Variants in ZFHX3 observed in about 807,000 individuals in gnomAD.
ZFHX3 encodes the protein zinc finger homeobox 3.
In ZFHX3, 42 loss-of-function variants were observed where a neutral mutation model predicts 279.1. The observed-to-expected ratio is 0.15, with a 90% CI of 0.12 to 0.19. ZFHX3 has a LOEUF of 0.19. ZFHX3 is among the 10% of genes least tolerant of loss of function. ZFHX3 has a pLI of 1.00. For missense variants in ZFHX3, 4,981 were observed against 4,754.0 expected (o/e 1.05, Z -1.40); for synonymous variants, 2,293 against 1,957.8 (o/e 1.17, Z -4.52).
chr16:73,399,098 G>T (rs946583407), intron 3 of ZFHX3, among the ~76,000 whole-genome samples: 2 of 149,026 alleles, frequency 1.3e-5, no homozygotes, highest in South Asian at 4.3e-4. Flanking sequence ...GGCCAGTCTC[G>T]AACTCCTGAC....
rs1454077414 is a variant in ZFHX3 at position 73,149,156 on chromosome 16, T to C, written c.-1103-5325A>G. 2.7e-5 allele frequency among the ~76,000 whole-genome samples: 4 copies of C among 148,254 alleles called. No individual in the cohort carries two copies. The East Asian group carries it at 7.8e-4, about 29-fold the overall frequency. ...AATATTATAGACTATTATCAACAGA[T>C]ATTATACTTTATTAATAAATGCCAA... On this transcript the variant is annotated intron_variant, in intron 5 of 17. Transcript: ENST00000641206.
chr16:73,494,563 C>CTGTT (rs1242203122), intron 2 of ZFHX3, among the ~76,000 whole-genome samples: 5 of 151,858 alleles, frequency 3.3e-5, no homozygotes, highest in Non-Finnish European at 7.4e-5. Context: ...ACTATGGTGT[C>CTGTT]TGTTTGTTTG....
chr16:72,948,141 G>A (rs1007579452), intron 3 of ZFHX3, among the ~76,000 whole-genome samples: 2 of 152,218 alleles, frequency 1.3e-5, no homozygotes, highest in African/African-American at 4.8e-5. Context: ...GCCCCCTGTG[G>A]CGAAGCCCGG....
At chr16:73,666,701 CACCACTACA>C (rs1180297148) in intron 2 of ZFHX3, among the ~76,000 whole-genome samples, 2 of 151,860 alleles carry the variant, frequency 1.3e-5, no homozygotes, top group African/African-American at 2.4e-5. Flanking sequence ...GTCATGCCAC[CACCACTACA>C]ACCGAGATAC....
chr16:72,800,738 CT>C (rs1222770608), intron 7 of ZFHX3, among the ~76,000 whole-genome samples: 1 of 126,298 alleles, frequency 7.9e-6, no homozygotes, highest in Non-Finnish European at 2.0e-5. Flanking sequence ...ACAAACAAGC[CT>C]TTTTTTGTGA....
At chr16:73,468,853 T>C (rs560624952) in intron 2 of ZFHX3, among the ~76,000 whole-genome samples, 1 of 152,334 alleles carries the variant, frequency 6.6e-6, no homozygotes, top group South Asian at 2.1e-4. Flanking sequence ...TTCTACATTA[T>C]CTTCATATAG....
chr16:72,878,375 GC>G (rs1290479391), intron 4 of ZFHX3, among the ~76,000 whole-genome samples: 1 of 152,200 alleles, frequency 6.6e-6, no homozygotes, highest in Non-Finnish European at 1.5e-5. Flanking sequence ...CAGGCTAGAA[GC>G]CACTCCAGTG....
At chr16:72,928,605 T>C (rs561039415) in intron 3 of ZFHX3, among the ~76,000 whole-genome samples, 2 of 152,260 alleles carry the variant, frequency 1.3e-5, no homozygotes, top group South Asian at 4.1e-4. Flanking sequence ...CCTGTTCATA[T>C]AAGATTACCC....
chr16:73,783,270 G>A (rs561190765), intron 1 of ZFHX3, among the ~76,000 whole-genome samples: 2 of 152,176 alleles, frequency 1.3e-5, no homozygotes, highest in Non-Finnish European at 2.9e-5. Flanking sequence ...GGCCAACCCA[G>A]CCTCAGAACT....
intron 3 of ZFHX3, among the ~76,000 whole-genome samples, chr16:73,359,181 GTTTTT>G (rs55639015): frequency 2.1e-5 from 3 of 145,792 alleles, no homozygotes; most frequent in Non-Finnish European, 4.5e-5. Flanking sequence ...TTTAGAAGAG[GTTTTT>G]TTTTTTTTTT....
chr16:72,829,765 C>T lies in ZFHX3; in HGVS notation c.3529+14G>A, dbSNP rs2037020492. 1 of 1,614,038 alleles carries T rather than the reference C, an allele frequency of 6.2e-7. No homozygotes were observed. Among genetic ancestry groups the T allele is most frequent in the Non-Finnish European group, 8.5e-7 (1 of 1,180,014 alleles). ...CACACACACTACCTGTCCACTTGCC[C>T]TGGTCTTTCTCACCTCCGCCCTCTT... On this transcript the variant is annotated intron_variant, in intron 5 of 9. Coordinates refer to ENST00000268489, the MANE Select transcript of ZFHX3 (RefSeq NM_006885.4).
chr16:73,514,089 A>G (rs1264273841), intron 2 of ZFHX3, among the ~76,000 whole-genome samples: 1 of 152,142 alleles, frequency 6.6e-6, no homozygotes, highest in Non-Finnish European at 1.5e-5. Context: ...TCTACTAAAA[A>G]TACAAAAAAT....
intron 1 of ZFHX3, among the ~76,000 whole-genome samples, chr16:73,798,376 G>A (rs1159786855): frequency 6.6e-6 from 1 of 151,866 alleles, no homozygotes; most frequent in African/African-American, 2.4e-5. Context: ...AACAAGGTGG[G>A]GGGTAGCTAA....
At chr16:73,613,821 T>C (rs563733140) in intron 2 of ZFHX3, among the ~76,000 whole-genome samples, 3 of 152,202 alleles carry the variant, frequency 2.0e-5, no homozygotes, top group Non-Finnish European at 2.9e-5. Flanking sequence ...CCCATTAATC[T>C]GGCAGAAACA....
At chr16:73,643,947 G>A (rs2142158552) in intron 2 of ZFHX3, among the ~76,000 whole-genome samples, 1 of 152,238 alleles carries the variant, frequency 6.6e-6, no homozygotes, top group Admixed American at 6.5e-5. Flanking sequence ...ACTCAAAACA[G>A]TATTGCTATC....
At chr16:72,940,898 T>C (rs931538874) in intron 3 of ZFHX3, among the ~76,000 whole-genome samples, 2 of 152,254 alleles carry the variant, frequency 1.3e-5, no homozygotes, top group African/African-American at 4.8e-5. Context: ...TAATCATTCT[T>C]GATGATTAGT....
chr16:72,902,834 T>C (rs1044665934), intron 3 of ZFHX3, among the ~76,000 whole-genome samples: 2 of 151,908 alleles, frequency 1.3e-5, no homozygotes, highest in Non-Finnish European at 2.9e-5. Flanking sequence ...GCCAGAGAGA[T>C]GGAGGACAAG....
intron 4 of ZFHX3, among the ~76,000 whole-genome samples, chr16:73,308,256 TATATATATATATATA>T (rs2015234513): frequency 8.7e-5 from 3 of 34,574 alleles, no homozygotes; most frequent in South Asian, 8.0e-4. Flanking sequence ...TATATATATA[TATATATATATATATA>T]TATATATTTA....
Position 73,876,418 on chromosome 16 carries a change from T to G in ZFHX3, c.-1608+15233A>C, listed in dbSNP as rs73603588. Among the ~76,000 whole-genome samples, 709 of 152,346 alleles carry G rather than the reference T, an allele frequency of 4.7e-3. 8 individuals carry two copies. Among genetic ancestry groups the G allele is most frequent in the African/African-American group, 0.016 (675 of 41,580 alleles). ...ACACAGGCTAATATATTTAATACATTTACTTGTATTCAGACCACATGCATA... is the reference window on the plus strand; with the variant it reads ...ACACAGGCTAATATATTTAATACATGTACTTGTATTCAGACCACATGCATA... On this transcript the variant is annotated intron_variant, in intron 1 of 17. Transcript: ENST00000641206.
Sources: gnomAD v4.1 joint callset for allele counts (sites outside exome capture counted in the v4.1 genomes callset) on GRCh38, gnomAD v4.1.1 for gene constraint, MANE v1.5 for transcripts, NCBI Gene and HGNC (gene_info 2026-07-23, HGNC 2026-07-21) for gene names.